The following PAN3 variants were observed in gnomAD, a reference collection of about 807,000 sequenced individuals.
PAN3 encodes poly(A) specific ribonuclease subunit PAN3.
PAN3 carries 19 observed loss-of-function variants against 96.2 expected under a neutral mutation model. That is an observed-to-expected ratio of 0.20 (90% CI 0.14 to 0.29). PAN3 has a LOEUF of 0.29. Among genes scored for constraint, PAN3 ranks in the 10% least tolerant of loss-of-function variants. The probability of loss-of-function intolerance (pLI) is 1.00; values close to 1 mark genes in which losing one functional copy is unlikely to be tolerated. For synonymous variants in PAN3, 433 were observed against 406.6 expected (o/e 1.06, Z -0.78); for missense variants, 882 against 1,108.1 (o/e 0.80, Z 2.90).
At chr13:28,268,333 G>A (rs2138657275) in intron 12 of PAN3, among the ~76,000 whole-genome samples, 1 of 151,842 alleles carries the variant, frequency 6.6e-6, no homozygotes, top group South Asian at 2.1e-4. Flanking sequence ...TGACTATATT[G>A]TTCTTTATGT....
At chr13:28,266,903 A>G in intron 10 of PAN3, 27 bp downstream of exon 10, 1 of 1,518,848 alleles carries the variant, frequency 6.6e-7, no homozygotes, top group Non-Finnish European at 8.8e-7. Context: ...ATCTTCTTTT[A>G]TAATCGTATC....
intron 5 of PAN3, among the ~76,000 whole-genome samples, chr13:28,210,508 G>A (rs886078104): frequency 6.6e-6 from 1 of 152,114 alleles, no homozygotes. Flanking sequence ...TTATTGAGAT[G>A]CTTAAATCGG....
chr13:28,231,098 C>G (rs1166868487), intron 6 of PAN3, among the ~76,000 whole-genome samples: 2 of 152,144 alleles, frequency 1.3e-5, no homozygotes, highest in Non-Finnish European at 2.9e-5. Context: ...AGTAAGTAAC[C>G]TACTATTATA....
chr13:28,150,231 C>T (rs1871194163), intron 1 of PAN3, among the ~76,000 whole-genome samples: 1 of 152,036 alleles, frequency 6.6e-6, no homozygotes, highest in South Asian at 2.1e-4. Flanking sequence ...CATGATGGGA[C>T]AGGGAATCTT....
At chr13:28,192,904 A>T (rs1877474527) in intron 4 of PAN3, among the ~76,000 whole-genome samples, 1 of 152,164 alleles carries the variant, frequency 6.6e-6, no homozygotes, top group Non-Finnish European at 1.5e-5. Context: ...ATCATGTTTT[A>T]CATTGCTACC....
rs138256951 is a variant in PAN3, at chr13:28,246,389, A to G, written c.1001-9903A>G. Among the ~76,000 whole-genome samples, 1,042 of 152,292 alleles carry G rather than the reference A, an allele frequency of 6.8e-3. 11 individuals carry two copies. Among genetic ancestry groups the G allele is most frequent in the African/African-American group, 0.024 (1,007 of 41,550 alleles). On this transcript the variant is annotated intron_variant, in intron 6 of 18. Transcript: ENST00000380958. The stretch of plus-strand genomic sequence containing the variant: ...TACATGCATACAATGTGTAATGATC[A>G]AATTAGAGAAATTGGGATAGCCATT...
At chr13:28,147,543 T>C (rs1425692113) in intron 1 of PAN3, among the ~76,000 whole-genome samples, 1 of 152,220 alleles carries the variant, frequency 6.6e-6, no homozygotes, top group East Asian at 1.9e-4. Flanking sequence ...TAGCTACAGT[T>C]GGGCAAAATT....
At chr13:28,199,890 A>G (rs1878497298) in intron 5 of PAN3, among the ~76,000 whole-genome samples, 1 of 152,116 alleles carries the variant, frequency 6.6e-6, no homozygotes, top group Non-Finnish European at 1.5e-5. Context: ...GGGTCAGAAA[A>G]ATGTTTTAAA....
rs1483143724 is a variant in PAN3, at chr13:28,256,827, A to G, written c.1248+288A>G. On this transcript the variant is annotated intron_variant, in intron 7 of 18. Coordinates refer to ENST00000380958, the MANE Select transcript of PAN3 (RefSeq NM_175854.8). ...TGTTTTGCTTATGGGTTTACCTTGTACTAGCTGGAATTGATGCCTGCTGAC... is the reference window on the plus strand; with the variant it reads ...TGTTTTGCTTATGGGTTTACCTTGTGCTAGCTGGAATTGATGCCTGCTGAC... Among the ~76,000 whole-genome samples the G allele has an allele frequency of 2.0e-5, 3 of 152,162 alleles. No individual in the cohort carries two copies. In the East Asian group the frequency reaches 5.8e-4, roughly 29 times the overall value.
intron 3 of PAN3, among the ~76,000 whole-genome samples, chr13:28,177,073 T>A (rs1875109815): frequency 6.6e-6 from 1 of 152,152 alleles, no homozygotes; most frequent in South Asian, 2.1e-4. Context: ...GCATTTAATA[T>A]ATTTTTTAGG....
chr13:28,197,379 A>G, intron 5 of PAN3, 33 bp downstream of exon 5: 1 of 1,531,504 alleles, frequency 6.5e-7, no homozygotes, highest in Non-Finnish European at 8.8e-7. Flanking sequence ...ATTTCTTGAA[A>G]GTGAATGTCT....
At chr13:28,279,906 TCTC>T (rs1405227333) in intron 15 of PAN3, among the ~76,000 whole-genome samples, 3 of 151,756 alleles carry the variant, frequency 2.0e-5, no homozygotes, top group African/African-American at 7.3e-5. Flanking sequence ...TTCAAGCTAT[TCTC>T]CTGCCTCAGC....
chr13:28,190,811 A>G (rs1877152861), intron 4 of PAN3, among the ~76,000 whole-genome samples: 1 of 152,184 alleles, frequency 6.6e-6, no homozygotes, highest in Non-Finnish European at 1.5e-5. Context: ...CTCCCTTAAC[A>G]CATGGGCATT....
intron 4 of PAN3, among the ~76,000 whole-genome samples, chr13:28,190,793 T>TTCAG (rs1877150048): frequency 1.3e-5 from 2 of 152,156 alleles, no homozygotes; most frequent in African/African-American, 4.8e-5. Context: ...ACTCCCATGA[T>TTCAG]TCAGTCACTC....
intron 6 of PAN3, among the ~76,000 whole-genome samples, chr13:28,249,549 A>G (rs1158482709): frequency 6.6e-6 from 1 of 151,986 alleles, no homozygotes; most frequent in Non-Finnish European, 1.5e-5. Flanking sequence ...CCTGGGTTCA[A>G]GTGATTCTTC....
Position 28,260,519 on chromosome 13 carries a change from C to T in PAN3, c.1321C>T (p.Pro441Ser). 1.9e-6 allele frequency: 3 copies of T among 1,613,252 alleles called. No individual in the cohort carries two copies. Among genetic ancestry groups the T allele is most frequent in the East Asian group, 2.2e-5 (1 of 44,856 alleles). The change falls in exon 8 of 19, where the codon CCT (proline) becomes TCT (serine). Residue 441 changes from proline (P) to serine (S), a missense_variant. Pro to Ser is a moderately conservative substitution (Grantham distance 74). This residue lies in a region of PAN3 where 364 missense variants were observed against 513.6 expected (regional missense o/e 0.71). Transcript: ENST00000380958. ...TTATATGCAACCGAAAGCAAACGCA[C>T]CTTCCTTCTTCATGGCTGATGAACT... ...VAYMQPKANAPSFFMADELRQ... is the reference protein window; with the variant it reads ...VAYMQPKANASSFFMADELRQ...
Position 28,197,180 on chromosome 13 carries a change from C to G in PAN3, c.691-5C>G. On this transcript the variant is annotated splice_polypyrimidine_tract_variant and splice_region_variant and intron_variant, in intron 4 of 18. Transcript: ENST00000380958. The stretch of plus-strand genomic sequence containing the variant: ...TGGCCTGGTTTCTTTCCTTCTTTTT[C>G]CTAGCCAAGGAAGTATCGCCTGGGG... The G allele has an allele frequency of 6.2e-7, 1 of 1,608,564 alleles. No homozygotes were observed. Among genetic ancestry groups the G allele is most frequent in the Non-Finnish European group, 8.5e-7 (1 of 1,177,754 alleles).
chr13:28,249,819 T>A (rs546844910), intron 6 of PAN3, among the ~76,000 whole-genome samples: 1 of 152,356 alleles, frequency 6.6e-6, no homozygotes, highest in South Asian at 2.1e-4. Context: ...GAATTTTAGT[T>A]ACACTTTGAC....
intron 2 of PAN3, 71 bp from the exon 3 acceptor site, chr13:28,176,422 G>A: frequency 7.3e-7 from 1 of 1,371,782 alleles, no homozygotes; most frequent in East Asian, 2.3e-5. Context: ...AAGAGAGCCA[G>A]TCTTAATTGG....
Sources: gnomAD v4.1 joint callset for allele counts (sites outside exome capture counted in the v4.1 genomes callset) on GRCh38, gnomAD v4.1.1 for gene constraint, gnomAD v4.1.1 regional missense constraint, MANE v1.5 for transcripts, NCBI Gene and HGNC (gene_info 2026-07-23, HGNC 2026-07-21) for gene names.